NTMT1: variants seen among roughly 807,000 people sequenced by gnomAD.
NTMT1 encodes the protein N-terminal RCC1 methyltransferase.
Under a neutral mutation model 17.5 loss-of-function variants are expected in NTMT1, and 8 were observed. That is an observed-to-expected ratio of 0.46 (90% confidence interval 0.27 to 0.82). NTMT1 has a LOEUF of 0.82. Ranked by LOEUF, NTMT1 falls within the 40% of genes least tolerant of loss-of-function variation. The pLI is 0.15. For synonymous variants in NTMT1, 128 were observed against 126.8 expected (o/e 1.01, Z -0.06); for missense variants, 221 against 303.5 (o/e 0.73, Z 2.02).
intron 1 of NTMT1, chr9:129,612,516 C>A: frequency 7.6e-7 from 1 of 1,324,354 alleles, no homozygotes; most frequent in Non-Finnish European, 1.1e-6. Flanking sequence ...GACTGGGCTC[C>A]CAGTGGGATT....
chr9:129,610,332 C>T (rs1327301304), intron 1 of NTMT1, among the ~76,000 whole-genome samples: 1 of 149,762 alleles, frequency 6.7e-6, no homozygotes, highest in Non-Finnish European at 1.5e-5. Context: ...GCCCCCGGCG[C>T]GAGCAAGGGC....
intron 1 of NTMT1, among the ~76,000 whole-genome samples, chr9:129,610,138 G>T (rs1830076436): frequency 6.8e-6 from 1 of 147,840 alleles, no homozygotes; most frequent in Non-Finnish European, 1.5e-5. Context: ...GCAGGGAGCG[G>T]ACAGGAGCGC....
intron 1 of NTMT1, chr9:129,628,515 C>G (rs888951866): frequency 2.6e-5 from 4 of 152,212 alleles, no homozygotes; most frequent in Admixed American, 6.5e-5. Flanking sequence ...TTTACCAGTT[C>G]TGAATGGTTG....
chr9:129,635,567 C>G lies in NTMT1; in HGVS notation c.*103C>G. On this transcript the variant is annotated 3_prime_UTR_variant, in exon 4 of 4. Transcript: ENST00000372483. ...CGCTGGCGGTTCGTGAGTGTCGAGG[C>G]ACCACTAAATATAGCTGTCTGCCGT... is the stretch of plus-strand genomic sequence containing the variant. 8 of 1,361,016 alleles carry G rather than the reference C, an allele frequency of 5.9e-6. No homozygotes were observed. The highest frequency in any genetic ancestry group is 8.0e-6 in the Non-Finnish European group (8 of 994,428). The allele number at this position is 1,361,016 out of a possible 1,614,324, so 84.3% of individuals were successfully genotyped here.
At chr9:129,633,647 G>C (rs1182591966) in intron 2 of NTMT1, 5 of 137,004 alleles carry the variant, frequency 3.6e-5, no homozygotes, top group Non-Finnish European at 6.0e-5. Context: ...CCGAGGCCCC[G>C]TCTCTACAAA....
chr9:129,629,794 C>T (rs563790564), intron 1 of NTMT1, among the ~76,000 whole-genome samples: 23 of 152,304 alleles, frequency 1.5e-4, no homozygotes, highest in African/African-American at 4.6e-4. Context: ...AGTCTGCGAG[C>T]GGATTCAAGA....
chr9:129,619,478 C>T, intron 1 of NTMT1: 1 of 1,393,256 alleles, frequency 7.2e-7, no homozygotes, highest in Non-Finnish European at 1.0e-6. Context: ...AAGAAATGCC[C>T]CTTTCCTCCA....
In NTMT1 at chr9:129,615,461, G is replaced by A. The variant is rs201594971; in HGVS notation, c.-55+6283G>A. 64 of 1,544,240 alleles carry A rather than the reference G, an allele frequency of 4.1e-5. No homozygotes were observed. The East Asian group carries it at 1.4e-3, about 34-fold the overall frequency. On this transcript the variant is annotated intron_variant, in intron 1 of 3. Coordinates refer to the NTMT1 transcript ENST00000372486. ...TGGCTAGAACTTTCGGGAGTCTCGA[G>A]GCTCCCCATCCTGTCTGCTTACCTG...
At chr9:129,627,481 T>A (rs368568781) in intron 1 of NTMT1, among the ~76,000 whole-genome samples, 121 of 152,376 alleles carry the variant, frequency 7.9e-4, no homozygotes, top group African/African-American at 2.8e-3. Flanking sequence ...TGCCCGGCAC[T>A]GTGCAAAGCA....
upstream of NTMT1, among the ~76,000 whole-genome samples, chr9:129,623,345 A>AAGAAG (rs1554775222): frequency 0.88 from 126,416 of 142,896 alleles, 56,044 homozygotes; most frequent in Non-Finnish European, 0.91. Flanking sequence ...AAAAAAAAAA[A>AAGAAG]GAAGGAAGGA....
Position 129,613,688 on chromosome 9 carries a change from G to A in NTMT1, c.-55+4510G>A. The A allele has an allele frequency of 6.6e-7, 1 of 1,516,068 alleles. No individual in the cohort carries two copies. Among genetic ancestry groups the A allele is most frequent in the South Asian group, 1.2e-5 (1 of 82,698 alleles). 93.9% of individuals were successfully genotyped at this position (1,516,068 alleles called of 1,614,324 possible). A position where few individuals can be genotyped will look rare whatever the true frequency, so the allele number is the denominator to read the frequency against. ...TTCCTCCCTCTGGCAGGCAGGGCCG[G>A]TCAGAGCCCTGTCTCCATGGCAACC... On this transcript the variant is annotated intron_variant, in intron 1 of 3. Transcript: ENST00000372486. The surrounding 1 kb of genome is among the most constrained non-coding windows in gnomAD (Gnocchi z 6.2).
Position 129,620,486 on chromosome 9 carries a change from G to C in NTMT1, c.-55+11308G>C, listed in dbSNP as rs1345488806. On this transcript the variant is annotated intron_variant, in intron 1 of 3. Transcript: ENST00000372486. The surrounding 1 kb of genome is among the most constrained non-coding windows in gnomAD (Gnocchi z 5.8). ...GGGCGGGGTCAGCTTGGGCAGCCGC[G>C]GGTCGCTGCTGCGTCGGAAGTCTCC... 1 of 1,393,504 alleles carries C rather than the reference G, an allele frequency of 7.2e-7. No individual in the cohort carries two copies. The highest frequency in any genetic ancestry group is 9.4e-7 in the Non-Finnish European group (1 of 1,069,340). The allele number at this position is 1,393,504 out of a possible 1,614,324, so 86.3% of individuals were successfully genotyped here.
chr9:129,609,686 C>T (rs55700157), intron 1 of NTMT1, among the ~76,000 whole-genome samples: 2 of 151,962 alleles, frequency 1.3e-5, no homozygotes, highest in Admixed American at 6.5e-5. Context: ...GGAGGGCCCC[C>T]GGGGAAGAGC....
chr9:129,620,453 C>A lies in NTMT1; in HGVS notation c.-55+11275C>A, dbSNP rs763049533. ...GGAGCCCCGCGCGCCCAGAGCCGCT[C>A]GGAGCGCGGGCGGGGTCAGCTTGGG... On this transcript the variant is annotated intron_variant, in intron 1 of 3. Transcript: ENST00000372486. The surrounding 1 kb of genome is among the most constrained non-coding windows in gnomAD (Gnocchi z 5.8). 4 of 1,319,176 alleles carry A rather than the reference C, an allele frequency of 3.0e-6. No individual in the cohort carries two copies. Among genetic ancestry groups the A allele is most frequent in the South Asian group, 2.0e-5 (1 of 50,916 alleles). The allele number at this position is 1,319,176 out of a possible 1,614,324, so 81.7% of individuals were successfully genotyped here.
In NTMT1 at chr9:129,635,383, A is replaced by G. The variant is rs752235207; in HGVS notation, c.591A>G (p.Ala197=). ...TGGTCCGCAGGATCATCTGCAGTGC[A>G]GGCCTCAGCCTCCTGGCCGAGGAGA... The part of the protein sequence containing the change: ...LDVVRRIICS[A]GLSLLAEERQ... Residue 197 remains alanine (A), a synonymous_variant, in exon 4 of 4, where the codon GCA becomes GCG. Coordinates refer to ENST00000372483, the MANE Select transcript of NTMT1 (RefSeq NM_014064.4). The G allele has an allele frequency of 3.2e-5, 51 of 1,613,572 alleles. No individual in the cohort carries two copies. Among genetic ancestry groups the G allele is most frequent in the Admixed American group, 1.7e-4 (10 of 60,004 alleles).
intron 1 of NTMT1, chr9:129,619,981 G>A (rs1830595329): frequency 6.9e-7 from 1 of 1,456,678 alleles, no homozygotes. Flanking sequence ...TAGCCTGGGT[G>A]GTGGGGTGGT....
intron 3 of NTMT1, 89 bp from the exon 4 acceptor site, chr9:129,635,116 TGAG>T (rs1306407055): frequency 3.4e-6 from 5 of 1,466,806 alleles, no homozygotes; most frequent in Non-Finnish European, 4.6e-6. Flanking sequence ...TGGGCACAAA[TGAG>T]GGGCTCAGCG....
chr9:129,612,792 T>A (rs1830152983), intron 1 of NTMT1, among the ~76,000 whole-genome samples: 2 of 151,952 alleles, frequency 1.3e-5, no homozygotes, highest in African/African-American at 2.4e-5. Context: ...ATTGCACCAC[T>A]GCACTCCAGC....
At chr9:129,624,304 A>C (rs185311726), upstream of NTMT1, among the ~76,000 whole-genome samples, 414 of 152,320 alleles carry the variant, frequency 2.7e-3, 1 homozygote, top group African/African-American at 9.5e-3. Context: ...ATTTTTAGGC[A>C]TACAGAGAGC....
Sources: gnomAD v4.1 joint callset for allele counts (sites outside exome capture counted in the v4.1 genomes callset) on GRCh38, gnomAD v4.1.1 for gene constraint, Gnocchi (gnomAD v3.1) non-coding constraint, MANE v1.5 for transcripts, NCBI Gene and HGNC (gene_info 2026-07-23, HGNC 2026-07-21) for gene names.